NRG3: variants seen among roughly 807,000 people sequenced by gnomAD.
NRG3 encodes the protein pro-neuregulin-3, membrane-bound isoform.
Under a neutral mutation model 66.9 loss-of-function variants are expected in NRG3, and 31 were observed. The ratio of observed to expected loss-of-function variants is 0.46; its 90% CI spans 0.35 to 0.63. The LOEUF (loss-of-function observed/expected upper bound fraction) is 0.63. NRG3 is among the 20% of genes least tolerant of loss of function. NRG3 has a pLI of 0.00. For synonymous variants in NRG3, 393 were observed against 359.4 expected (o/e 1.09, Z -1.06); for missense variants, 910 against 878.9 (o/e 1.04, Z -0.45).
At chr10:82,893,790 A>G (rs1156581720) in intron 4 of NRG3, among the ~76,000 whole-genome samples, 1 of 152,208 alleles carries the variant, frequency 6.6e-6, no homozygotes, top group Non-Finnish European at 1.5e-5. Flanking sequence ...CTTTTCTTAT[A>G]TTAGAAAAGA....
At chr10:82,655,025 T>C (rs541844329) in intron 2 of NRG3, among the ~76,000 whole-genome samples, 2 of 152,002 alleles carry the variant, frequency 1.3e-5, no homozygotes, top group East Asian at 3.9e-4. Flanking sequence ...ACTGAGAAAG[T>C]TTTATTTGCC....
At chr10:81,878,233 T>A in intron 1 of NRG3, 1 of 673,130 alleles carries the variant, frequency 1.5e-6, no homozygotes, top group East Asian at 2.8e-5. Context: ...GGTGTCAATG[T>A]TCACATAGAC....
chr10:82,561,385 C>T (rs2045031954), intron 2 of NRG3, among the ~76,000 whole-genome samples: 1 of 152,178 alleles, frequency 6.6e-6, no homozygotes, highest in Non-Finnish European at 1.5e-5. Context: ...GGCACCATGG[C>T]TCACGCCTGT....
intron 1 of NRG3, among the ~76,000 whole-genome samples, chr10:82,228,344 C>T (rs1180988209): frequency 6.6e-6 from 1 of 152,022 alleles, no homozygotes; most frequent in African/African-American, 2.4e-5. Context: ...ACATATTGTA[C>T]CCCTCATTAG....
At chr10:82,320,777 A>C (rs2081529017) in intron 1 of NRG3, among the ~76,000 whole-genome samples, 2 of 152,070 alleles carry the variant, frequency 1.3e-5, no homozygotes, top group South Asian at 2.1e-4. Flanking sequence ...CAAGCCTAGA[A>C]ACCTGTGGCC....
intron 4 of NRG3, among the ~76,000 whole-genome samples, chr10:82,882,020 A>G: frequency 6.6e-6 from 1 of 151,992 alleles, no homozygotes; most frequent in South Asian, 2.1e-4. Context: ...GGCTAACCTC[A>G]TCTCATCTAC....
rs926790601 is a variant in NRG3 at position 82,524,983 on chromosome 10, A to G, written c.953+166115A>G. 2.6e-5 allele frequency among the ~76,000 whole-genome samples: 4 copies of G among 151,990 alleles called. No individual in the cohort carries two copies. In the East Asian group the frequency reaches 7.7e-4, roughly 29 times the overall value. ...GATCTTTCACTACAATGTGTTTACTAATATGTTAGAAAGAGCCAATAAGTG... is the reference window on the plus strand; with the variant it reads ...GATCTTTCACTACAATGTGTTTACTGATATGTTAGAAAGAGCCAATAAGTG... On this transcript the variant is annotated intron_variant, in intron 2 of 8. Coordinates refer to ENST00000372141, the MANE Select transcript of NRG3 (RefSeq NM_001010848.4).
At chr10:81,977,435 TTTA>T (rs1313133028) in intron 1 of NRG3, among the ~76,000 whole-genome samples, 3 of 152,222 alleles carry the variant, frequency 2.0e-5, no homozygotes, top group Non-Finnish European at 4.4e-5. Flanking sequence ...GTATTTCGTA[TTTA>T]TTATTTTATA....
chr10:82,280,327 A>ATT (rs150048822), intron 1 of NRG3, among the ~76,000 whole-genome samples: 15,107 of 150,288 alleles, frequency 0.1, 958 homozygotes, highest in Non-Finnish European at 0.15. Flanking sequence ...TCAAGTGACA[A>ATT]TTTTTTTTTT....
In NRG3 at chr10:82,868,025, T is replaced by C. The variant is rs987673257; in HGVS notation, c.1054+2588T>C. On this transcript the variant is annotated intron_variant, in intron 4 of 8. Transcript: ENST00000372141. ...AGGCTCAGTGAGGCTTTATAAGTTG[T>C]TCAGCAGAATGCCCTCAAATGCAGG... Among the ~76,000 whole-genome samples the C allele has an allele frequency of 5.9e-5, 9 of 152,164 alleles. 1 individual carries two copies.
At chr10:82,437,427 G>A (rs2090198629) in intron 2 of NRG3, among the ~76,000 whole-genome samples, 1 of 151,826 alleles carries the variant, frequency 6.6e-6, no homozygotes, top group African/African-American at 2.4e-5. Flanking sequence ...ATTCTAGTTA[G>A]CAATTCCTCT....
intron 1 of NRG3, among the ~76,000 whole-genome samples, chr10:82,046,904 T>C (rs996201020): frequency 1.4e-5 from 2 of 140,914 alleles, no homozygotes; most frequent in Non-Finnish European, 3.1e-5. Flanking sequence ...CAGCCTTGCA[T>C]CCCAGGGATG....
chr10:82,488,337 C>T (rs550709478), intron 2 of NRG3, among the ~76,000 whole-genome samples: 1 of 152,250 alleles, frequency 6.6e-6, no homozygotes, highest in Admixed American at 6.5e-5. Context: ...CTAGAGGACA[C>T]GTAGTTTGCC....
rs141730144 is a variant in NRG3 at position 81,981,140 on chromosome 10, G to C, written c.823+104977G>C. ...CAGTCCAAAATCTTTACCGATTTCA[G>C]CATCAATTCTAACTTCCAAAACTCA... On this transcript the variant is annotated intron_variant, in intron 1 of 8. Transcript: ENST00000372141. 1.2e-4 allele frequency among the ~76,000 whole-genome samples: 18 copies of C among 152,208 alleles called. No individual in the cohort carries two copies. The East Asian group carries it at 3.5e-3, about 29-fold the overall frequency.
rs185783818 is a variant in NRG3, at chr10:82,706,732, G to A, written c.954-31845G>A. ...TTTGAGGTTGGGCGTGGTGGCTCACGCCTTTAATCCCAGCACTTTGGGAGG... is the reference window on the plus strand; with the variant it reads ...TTTGAGGTTGGGCGTGGTGGCTCACACCTTTAATCCCAGCACTTTGGGAGG... On this transcript the variant is annotated intron_variant, in intron 2 of 8. Transcript: ENST00000372141. 2.0e-3 allele frequency among the ~76,000 whole-genome samples: 311 copies of A among 152,160 alleles called. 1 individual carries two copies. Among genetic ancestry groups the A allele is most frequent in the Non-Finnish European group, 3.6e-3 (246 of 68,010 alleles).
chr10:82,042,340 T>C (rs2063082528), intron 1 of NRG3, among the ~76,000 whole-genome samples: 1 of 152,068 alleles, frequency 6.6e-6, no homozygotes, highest in Non-Finnish European at 1.5e-5. Flanking sequence ...TTTATCTTTA[T>C]TTTTTGCAAA....
intron 1 of NRG3, among the ~76,000 whole-genome samples, chr10:81,902,323 T>C (rs1844156368): frequency 6.6e-6 from 1 of 152,136 alleles, no homozygotes; most frequent in Admixed American, 6.5e-5. Flanking sequence ...GAAGCCCTGG[T>C]GTATGGACTG....
intron 1 of NRG3, among the ~76,000 whole-genome samples, chr10:81,970,822 T>A (rs2059906997): frequency 6.6e-6 from 1 of 152,164 alleles, no homozygotes; most frequent in African/African-American, 2.4e-5. Flanking sequence ...GAAGCACATT[T>A]TAAGAATAAC....
intron 1 of NRG3, among the ~76,000 whole-genome samples, chr10:82,115,781 C>G (rs1208925045): frequency 6.6e-6 from 1 of 152,120 alleles, no homozygotes; most frequent in Non-Finnish European, 1.5e-5. Context: ...GATGTTCTAT[C>G]TAGCCTAGTG....
Sources: allele counts gnomAD v4.1 joint callset (sites outside exome capture counted in the v4.1 genomes callset), GRCh38; gene constraint gnomAD v4.1.1; transcripts MANE v1.5; gene names NCBI Gene and HGNC (gene_info 2026-07-23, HGNC 2026-07-21).